SYNE2: variants seen among roughly 807,000 people sequenced by gnomAD.
SYNE2 encodes the protein spectrin repeat containing nuclear envelope protein 2.
A neutral mutation model predicts 856.3 loss-of-function variants in SYNE2; 431 were observed. The observed-to-expected ratio is 0.50, with a 90% CI of 0.47 to 0.55. The LOEUF (loss-of-function observed/expected upper bound fraction) is 0.55, where lower values mean the gene tolerates loss of function less well. Ranked by LOEUF, SYNE2 falls within the 20% of genes least tolerant of loss-of-function variation. The pLI is 0.00. For synonymous variants in SYNE2, 2,923 were observed against 2,872.3 expected (o/e 1.02, Z -0.56); for missense variants, 8,129 against 8,023.2 (o/e 1.01, Z -0.50).
chr14:63,925,954 A>G (rs2095659187), intron 2 of SYNE2, among the ~76,000 whole-genome samples: 1 of 151,942 alleles, frequency 6.6e-6, no homozygotes, highest in South Asian at 2.1e-4. Flanking sequence ...CCTGGGCTCA[A>G]GCGATCCTCC....
intron 1 of SYNE2, among the ~76,000 whole-genome samples, chr14:63,762,409 TG>T: frequency 1.5e-5 from 2 of 131,948 alleles, no homozygotes; most frequent in Admixed American, 1.8e-4. Context: ...CACTCCAGCC[TG>T]GGCAACAGGA....
chr14:64,004,577 GCTTTAACCTCCCA>G (rs1567028501), intron 30 of SYNE2, among the ~76,000 whole-genome samples: 1 of 152,026 alleles, frequency 6.6e-6, no homozygotes, highest in Non-Finnish European at 1.5e-5. Flanking sequence ...TCATCCACCC[GCTTTAACCTCCCA>G]AAGTGTTGGG....
intron 8 of SYNE2, among the ~76,000 whole-genome samples, chr14:63,956,228 A>G (rs1327010860): frequency 1.3e-5 from 2 of 152,226 alleles, no homozygotes; most frequent in African/African-American, 4.8e-5. Flanking sequence ...AATTAGAAAA[A>G]GATGTGCAGT....
chr14:64,185,016 G>C (rs2098481614), intron 96 of SYNE2, among the ~76,000 whole-genome samples: 1 of 152,228 alleles, frequency 6.6e-6, no homozygotes. Context: ...CACACTTCAG[G>C]GGGCTGAGGC....
chr14:63,994,499 CAG>C (rs1237908018), intron 22 of SYNE2, among the ~76,000 whole-genome samples: 3 of 152,094 alleles, frequency 2.0e-5, no homozygotes, highest in Non-Finnish European at 4.4e-5. Flanking sequence ...AAAGATGGTG[CAG>C]AGAGTTCCAG....
chr14:64,208,432 A>C (rs993185814), intron 100 of SYNE2, among the ~76,000 whole-genome samples: 1 of 152,158 alleles, frequency 6.6e-6, no homozygotes, highest in African/African-American at 2.4e-5. Flanking sequence ...TGCATACCCG[A>C]AGTCTGTGGG....
intron 96 of SYNE2, among the ~76,000 whole-genome samples, chr14:64,182,418 T>C (rs1033529923): frequency 1.3e-5 from 2 of 152,168 alleles, no homozygotes; most frequent in African/African-American, 4.8e-5. Context: ...TATTGATCAT[T>C]CTTGGGTGTT....
At chr14:64,105,400 T>A (rs2097764515) in intron 64 of SYNE2, among the ~76,000 whole-genome samples, 1 of 152,234 alleles carries the variant, frequency 6.6e-6, no homozygotes, top group Middle Eastern at 3.2e-3. Context: ...ACCTTTCTGA[T>A]AACAGTCACT....
chr14:64,183,943 G>A (rs547853257), intron 96 of SYNE2, among the ~76,000 whole-genome samples: 1 of 126,488 alleles, frequency 7.9e-6, no homozygotes, highest in Non-Finnish European at 1.7e-5. Context: ...AGAGGGAGAC[G>A]TGGAAAGAAG....
At chr14:64,150,330 C>T (rs2098230393) in intron 84 of SYNE2, among the ~76,000 whole-genome samples, 1 of 137,946 alleles carries the variant, frequency 7.2e-6, no homozygotes, top group Non-Finnish European at 1.6e-5. Context: ...AAGGATCCTC[C>T]CGCCTCAGCC....
intron 99 of SYNE2, chr14:64,202,242 G>C: frequency 1.4e-6 from 1 of 702,326 alleles, no homozygotes; most frequent in East Asian, 2.7e-5. Context: ...GTATACGGCT[G>C]GGTGAACCCC....
At chr14:63,872,752 A>T (rs1897154548) in intron 1 of SYNE2, among the ~76,000 whole-genome samples, 1 of 109,618 alleles carries the variant, frequency 9.1e-6, no homozygotes, top group African/African-American at 3.4e-5. Flanking sequence ...ACAGAGTGAG[A>T]CTCTGCCTCA....
intron 1 of SYNE2, among the ~76,000 whole-genome samples, chr14:63,886,937 G>C (rs930344156): frequency 2.0e-5 from 3 of 152,116 alleles, no homozygotes; most frequent in African/African-American, 7.2e-5. Context: ...TGGGATTATA[G>C]ATGTGAGCCA....
At chr14:63,829,981 T>C (rs1169622515) in intron 1 of SYNE2, among the ~76,000 whole-genome samples, 1 of 152,154 alleles carries the variant, frequency 6.6e-6, no homozygotes, top group Non-Finnish European at 1.5e-5. Context: ...CCAATTAATC[T>C]GGAATGTTAT....
In SYNE2 at chr14:64,209,134, C is replaced by CTGTCCTGTGTGGGG; in HGVS notation, c.18389+193_18389+206dup. 3 of 906,568 alleles carry CTGTCCTGTGTGGGG rather than the reference C, an allele frequency of 3.3e-6. No homozygotes were observed. In the South Asian group the frequency reaches 4.7e-5, roughly 14 times the overall value. The allele number at this position is 906,568 out of a possible 1,614,324, so 56.2% of individuals were successfully genotyped here. A position where few individuals can be genotyped will look rare whatever the true frequency, so the allele number is the denominator to read the frequency against. On this transcript the variant is annotated intron_variant, in intron 101 of 115. Transcript: ENST00000555002. ...TAACCGGAGTAATGTCTCTCCCCAG[C>CTGTCCTGTGTGGGG]TGTCCTGTGTGGGGTGTGGCTGTGG...
chr14:64,188,478 T>G (rs778420712), intron 97 of SYNE2, 72 bp from the exon 98 acceptor site: 3 of 1,580,502 alleles, frequency 1.9e-6, no homozygotes, highest in Admixed American at 1.7e-5. Flanking sequence ...GAAACTCAGT[T>G]TTTTTGAGGG....
chr14:63,997,815 C>T (rs2096724835), intron 25 of SYNE2, among the ~76,000 whole-genome samples: 1 of 152,122 alleles, frequency 6.6e-6, no homozygotes, highest in South Asian at 2.1e-4. Context: ...TTTCTAAATT[C>T]CTGAAGTCTA....
At chr14:64,030,730 G>A (rs1281001463) in intron 44 of SYNE2, among the ~76,000 whole-genome samples, 2 of 152,118 alleles carry the variant, frequency 1.3e-5, no homozygotes, top group Admixed American at 6.5e-5. Flanking sequence ...TGACAAAGAC[G>A]TATCTTGAAC....
chr14:64,087,294 A>G, intron 57 of SYNE2: 1 of 421,226 alleles, frequency 2.4e-6, no homozygotes, highest in Non-Finnish European at 4.6e-6. Context: ...AGAGTACATT[A>G]TCAAGCTGAA....
Sources: gnomAD v4.1 joint callset for allele counts (sites outside exome capture counted in the v4.1 genomes callset) on GRCh38, gnomAD v4.1.1 for gene constraint, MANE v1.5 for transcripts, NCBI Gene and HGNC (gene_info 2026-07-23, HGNC 2026-07-21) for gene names.